Variants in MYO18B observed in about 807,000 individuals in gnomAD.
MYO18B encodes unconventional myosin-XVIIIb.
MYO18B carries 204 observed loss-of-function variants against 273.0 expected under a neutral mutation model. That is an observed-to-expected ratio of 0.75 (90% CI 0.67 to 0.84). MYO18B has a LOEUF of 0.84. MYO18B is among the 40% of genes least tolerant of loss of function. MYO18B has a pLI of 0.00. For synonymous variants in MYO18B, 1,330 were observed against 1,305.7 expected (o/e 1.02, Z -0.40); for missense variants, 3,212 against 3,287.6 (o/e 0.98, Z 0.56).
Position 25,842,790 on chromosome 22 carries a change from A to G in MYO18B, c.3209-945A>G, listed in dbSNP as rs547834515. Among the ~76,000 whole-genome samples, 12 of 152,304 alleles carry G rather than the reference A, an allele frequency of 7.9e-5. No individual in the cohort carries two copies. In the East Asian group the frequency reaches 1.5e-3, roughly 20 times the overall value. On this transcript the variant is annotated intron_variant, in intron 17 of 43. Coordinates refer to ENST00000335473, the MANE Select transcript of MYO18B (RefSeq NM_032608.7). ...AGTTAGAGTAATATTATAAATGAAC[A>G]GCAATCCATTAATTAATTAATCCAT...
chr22:26,061,006 TAC>T, the MYO18B span, among the ~76,000 whole-genome samples: 22,313 of 114,472 alleles, frequency 0.19, 2,270 homozygotes, highest in East Asian at 0.31. Flanking sequence ...TGCACACACA[TAC>T]ACACACACAC....
chr22:25,829,204 G>A lies in MYO18B; in HGVS notation c.2979+236G>A, dbSNP rs1428768197. ...AGCCCAGAAGCACCAAGGAACTCGGGCTTCCCCAGTCCTTGCTTCCACGGC... is the reference window on the plus strand; with the variant it reads ...AGCCCAGAAGCACCAAGGAACTCGGACTTCCCCAGTCCTTGCTTCCACGGC... On this transcript the variant is annotated intron_variant, in intron 15 of 43. Transcript: ENST00000335473. Among the ~76,000 whole-genome samples, 9 of 152,208 alleles carry A rather than the reference G, an allele frequency of 5.9e-5. No individual in the cohort carries two copies. The South Asian group carries it at 1.7e-3, about 28-fold the overall frequency.
chr22:26,046,889 C>T, the MYO18B span, among the ~76,000 whole-genome samples: 9 of 152,216 alleles, frequency 5.9e-5, no homozygotes, highest in African/African-American at 9.6e-5. Context: ...TCACCTTACG[C>T]GCATGGCTGG....
At chr22:25,909,906 G>T (rs2247902) in intron 32 of MYO18B, among the ~76,000 whole-genome samples, 137,068 of 152,112 alleles carry the variant, frequency 0.9, 62,154 homozygotes, top group Middle Eastern at 0.97. Flanking sequence ...GCAACTAATT[G>T]CAGAGTATGC....
intron 19 of MYO18B, 84 bp from the exon 20 acceptor site, chr22:25,847,346 C>A: frequency 7.8e-7 from 1 of 1,282,570 alleles, no homozygotes; most frequent in Non-Finnish European, 1.1e-6. Context: ...TCAGGTTGGG[C>A]TTAATGAATA....
intron 1 of MYO18B, among the ~76,000 whole-genome samples, chr22:25,747,039 G>A (rs534535878): frequency 3.6e-4 from 55 of 152,258 alleles, no homozygotes; most frequent in African/African-American, 7.9e-4. Flanking sequence ...GGAGAATGGC[G>A]TGAACCCAGG....
At chr22:25,978,814 T>C (rs375440556) in intron 39 of MYO18B, among the ~76,000 whole-genome samples, 2 of 152,050 alleles carry the variant, frequency 1.3e-5, no homozygotes, top group Admixed American at 6.5e-5. Context: ...ATTAGTAGGT[T>C]GTGGTGGTGG....
chr22:25,891,664 C>T (rs994179844), intron 27 of MYO18B, among the ~76,000 whole-genome samples: 3 of 152,092 alleles, frequency 2.0e-5, no homozygotes, highest in Non-Finnish European at 4.4e-5. Flanking sequence ...AGTTTTAATG[C>T]AAAGAATGAT....
chr22:25,876,024 G>T (rs916584035), intron 23 of MYO18B, among the ~76,000 whole-genome samples, 165 bp from the exon 24 acceptor site: 1 of 143,622 alleles, frequency 7.0e-6, no homozygotes, highest in Non-Finnish European at 1.5e-5. Flanking sequence ...GTGTGTGTGT[G>T]TGTGTGTGTG....
At chr22:25,950,518 ATGTGTGTGTGTGTGTGTGTGTGTG>A in intron 37 of MYO18B, 68 bp downstream of exon 37, 1 of 604,442 alleles carries the variant, frequency 1.7e-6, no homozygotes, top group Non-Finnish European at 2.8e-6. Flanking sequence ...AACTAATAGG[ATGTGTGTGTGTGTGTGTGTGTGTG>A]TGTGTGTGTA....
chr22:25,991,980 C>T (rs2093275140), intron 39 of MYO18B, among the ~76,000 whole-genome samples: 1 of 152,228 alleles, frequency 6.6e-6, no homozygotes, highest in Non-Finnish European at 1.5e-5. Context: ...GGCTCAGCTT[C>T]CTAAACCAGA....
At chr22:25,932,562 C>T (rs1276697873) in intron 34 of MYO18B, among the ~76,000 whole-genome samples, 1 of 152,054 alleles carries the variant, frequency 6.6e-6, no homozygotes, top group Non-Finnish European at 1.5e-5. Flanking sequence ...GCATGCGTCA[C>T]CATGCCCGGC....
intron 42 of MYO18B, among the ~76,000 whole-genome samples, chr22:26,012,334 A>G (rs1460735498): frequency 1.3e-5 from 2 of 152,214 alleles, no homozygotes; most frequent in East Asian, 1.9e-4. Context: ...TCAATAGTAC[A>G]TTTATTTACT....
the MYO18B span, among the ~76,000 whole-genome samples, chr22:26,052,007 C>T: frequency 6.6e-6 from 1 of 152,148 alleles, no homozygotes; most frequent in African/African-American, 2.4e-5. Context: ...TAGCCTTTTG[C>T]TTCTATCATG....
chr22:25,879,298 A>G (rs556009687), intron 25 of MYO18B, among the ~76,000 whole-genome samples: 5 of 141,824 alleles, frequency 3.5e-5, no homozygotes, highest in Non-Finnish European at 6.1e-5. Context: ...TAGTTTCCTG[A>G]TCCTTAAACT....
chr22:25,931,411 A>G (rs1056327504), intron 34 of MYO18B, among the ~76,000 whole-genome samples: 5 of 152,228 alleles, frequency 3.3e-5, no homozygotes, highest in African/African-American at 7.2e-5. Flanking sequence ...TACAGCAACG[A>G]TATTGACGGG....
At chr22:25,795,148 T>G (rs2087854606) in intron 11 of MYO18B, among the ~76,000 whole-genome samples, 1 of 152,218 alleles carries the variant, frequency 6.6e-6, no homozygotes, top group Non-Finnish European at 1.5e-5. Context: ...TACCACTCTT[T>G]GTGGCTCCAT....
the MYO18B span, among the ~76,000 whole-genome samples, chr22:26,060,862 CACAA>C: frequency 1.8e-4 from 19 of 105,414 alleles, no homozygotes; most frequent in African/African-American, 8.4e-4. Flanking sequence ...TACATATATA[CACAA>C]ACACACAGTT....
intron 35 of MYO18B, among the ~76,000 whole-genome samples, chr22:25,947,137 A>G (rs1223976505): frequency 6.6e-6 from 1 of 152,050 alleles, no homozygotes; most frequent in Non-Finnish European, 1.5e-5. Flanking sequence ...ATACACATAC[A>G]TGCGCACACG....
Sources: gnomAD v4.1 joint callset for allele counts (sites outside exome capture counted in the v4.1 genomes callset) on GRCh38, gnomAD v4.1.1 for gene constraint, MANE v1.5 for transcripts, NCBI Gene and HGNC (gene_info 2026-07-23, HGNC 2026-07-21) for gene names.